CELSR1: variants seen among roughly 807,000 people sequenced by gnomAD.
The protein encoded by CELSR1 is adhesion G protein-coupled receptor C1.
CELSR1 carries 110 observed loss-of-function variants against 249.1 expected under a neutral mutation model. That is an observed-to-expected ratio of 0.44 (90% confidence interval 0.38 to 0.52). CELSR1 has a LOEUF of 0.52. Ranked by LOEUF, CELSR1 falls within the 20% of genes least tolerant of loss-of-function variation. CELSR1 has a pLI of 0.00. For missense variants in CELSR1, 4,109 were observed against 4,296.4 expected (o/e 0.96, Z 1.22); for synonymous variants, 2,113 against 1,900.0 (o/e 1.11, Z -2.92).
rs116447447 is a variant in CELSR1 at position 46,454,935 on chromosome 22, C to A, written c.4183+8772G>T. Among the ~76,000 whole-genome samples the A allele has an allele frequency of 3.2e-3, 488 of 152,330 alleles. 4 individuals are homozygous for A. Among genetic ancestry groups the A allele is most frequent in the African/African-American group, 0.011 (458 of 41,584 alleles). ...AAGTGACCTTGTTTGGAAATAGGGT[C>A]TTTGTAGAGGTAATCGACTTAGGAT... On this transcript the variant is annotated intron_variant, in intron 2 of 34. Transcript: ENST00000674500. This position sits in a 1 kb window ranked among gnomAD's most constrained non-coding sequence, Gnocchi z 5.1.
chr22:46,527,408 G>A lies in CELSR1; in HGVS notation c.3544+6219C>T, dbSNP rs149265534. On this transcript the variant is annotated intron_variant, in intron 1 of 34. Transcript: ENST00000674500. This position sits in a 1 kb window ranked among gnomAD's most constrained non-coding sequence, Gnocchi z 5.5. ...AACCCTCCACAGTCAGCCCTCTCTC[G>A]ACCCGGGGGATCCATCTGACTCCCG... is the stretch of plus-strand genomic sequence containing the variant. 2.3e-3 allele frequency among the ~76,000 whole-genome samples: 348 copies of A among 152,140 alleles called. 2 individuals are homozygous for A. The highest frequency in any genetic ancestry group is 7.9e-3 in the African/African-American group (327 of 41,498).
chr22:46,421,526 T>C (rs11703127), intron 5 of CELSR1, among the ~76,000 whole-genome samples: 40,798 of 151,846 alleles, frequency 0.27, 6,743 homozygotes, highest in African/African-American at 0.47. Flanking sequence ...TGACCAGGCC[T>C]GTGTTTGGGA....
At chr22:46,495,230 T>C (rs1602210537) in intron 1 of CELSR1, among the ~76,000 whole-genome samples, 3 of 152,346 alleles carry the variant, frequency 2.0e-5, no homozygotes, top group Middle Eastern at 3.4e-3. Flanking sequence ...GGCTGTGGTA[T>C]AACCAACTGC....
intron 25 of CELSR1, among the ~76,000 whole-genome samples, chr22:46,370,397 GCA>G (rs2078839127): frequency 6.6e-6 from 1 of 151,722 alleles, no homozygotes; most frequent in South Asian, 2.1e-4. Flanking sequence ...CACCACAGAG[GCA>G]CACACCATAC....
At chr22:46,389,960 GAAACAAA>G (rs2079071503) in intron 17 of CELSR1, among the ~76,000 whole-genome samples, 1 of 151,898 alleles carries the variant, frequency 6.6e-6, no homozygotes, top group Middle Eastern at 3.2e-3. Context: ...TCCAAAAAAA[GAAACAAA>G]AAACAAAAAG....
At position 46,428,289 on chromosome 22, in the gene CELSR1, C is replaced by A. The variant is rs1334726419; in HGVS notation, c.4611+5104G>T. The stretch of plus-strand genomic sequence containing the variant: ...GGCAGAGTCCCAAGGACTCCAGCAG[C>A]CAGCTCAGGCATGGGGCTTCATTGC... On this transcript the variant is annotated intron_variant, in intron 5 of 34. Coordinates refer to ENST00000674500, the MANE Select transcript of CELSR1 (RefSeq NM_001378328.1). The surrounding 1 kb of genome is among the most constrained non-coding windows in gnomAD (Gnocchi z 5.7). Among the ~76,000 whole-genome samples the A allele has an allele frequency of 6.6e-6, 1 of 152,238 alleles. No homozygotes were observed. Among genetic ancestry groups the A allele is most frequent in the African/African-American group, 2.4e-5 (1 of 41,460 alleles).
rs997470846 is a variant in CELSR1, at chr22:46,396,938, G to T, written c.5702-192C>A. Among the ~76,000 whole-genome samples the T allele has an allele frequency of 6.6e-6, 1 of 152,138 alleles. No homozygotes were observed. Among genetic ancestry groups the T allele is most frequent in the Non-Finnish European group, 1.5e-5 (1 of 68,034 alleles). ...TTAGACTTAGTGATGCAGAGAGGAAGGCCTTCCCGGGCTGCCCCAAGGAGG... is the reference window on the plus strand; with the variant it reads ...TTAGACTTAGTGATGCAGAGAGGAATGCCTTCCCGGGCTGCCCCAAGGAGG... On this transcript the variant is annotated intron_variant, in intron 12 of 34. Transcript: ENST00000674500. This position sits in a 1 kb window ranked among gnomAD's most constrained non-coding sequence, Gnocchi z 6.4.
At chr22:46,509,119 G>T (rs572476402) in intron 1 of CELSR1, among the ~76,000 whole-genome samples, 133 of 152,296 alleles carry the variant, frequency 8.7e-4, no homozygotes, top group African/African-American at 3.0e-3. Context: ...CCCAGGGCCT[G>T]CACTGAGTGA....
At chr22:46,523,799 C>T (rs1466152227) in intron 1 of CELSR1, among the ~76,000 whole-genome samples, 1 of 152,100 alleles carries the variant, frequency 6.6e-6, no homozygotes, top group African/African-American at 2.4e-5. Context: ...TGCCTGCCTC[C>T]CTGCACCTGG....
rs902527322 is a variant in CELSR1 at position 46,374,288 on chromosome 22, A to G, written c.7585-1231T>C. ...GATGGCTGCTTCAAGTAATGCGAAA[A>G]GTAAACCCACGAAACCACCTTTTGA... On this transcript the variant is annotated intron_variant, in intron 24 of 34. Coordinates refer to ENST00000674500, the MANE Select transcript of CELSR1 (RefSeq NM_001378328.1). The surrounding 1 kb of genome is among the most constrained non-coding windows in gnomAD (Gnocchi z 4.3). Among the ~76,000 whole-genome samples the G allele has an allele frequency of 3.3e-5, 5 of 152,234 alleles. No homozygotes were observed. The highest frequency in any genetic ancestry group is 7.2e-5 in the African/African-American group (3 of 41,454).
Position 46,445,259 on chromosome 22 carries a change from C to T in CELSR1, c.4184-5848G>A, listed in dbSNP as rs992627241. On this transcript the variant is annotated intron_variant, in intron 2 of 34. Coordinates refer to ENST00000674500, the MANE Select transcript of CELSR1 (RefSeq NM_001378328.1). The surrounding 1 kb of genome is among the most constrained non-coding windows in gnomAD (Gnocchi z 4.4). ...CTGTCATCCCAGCACTTTGGGAGGC[C>T]GAGGCAGGTGGATCACCTGAGGTCA... Among the ~76,000 whole-genome samples, 7 of 151,708 alleles carry T rather than the reference C, an allele frequency of 4.6e-5. No homozygotes were observed. Among genetic ancestry groups the T allele is most frequent in the Admixed American group, 1.3e-4 (2 of 15,226 alleles).
At chr22:46,416,936 C>T (rs185467573) in intron 5 of CELSR1, among the ~76,000 whole-genome samples, 6 of 80,140 alleles carry the variant, frequency 7.5e-5, no homozygotes, top group South Asian at 4.6e-4. Flanking sequence ...GGTGGGGGTA[C>T]GGTTTCAATG....
chr22:46,369,363 G>C, intron 26 of CELSR1, 105 bp from the exon 27 acceptor site: 1 of 990,100 alleles, frequency 1.0e-6, no homozygotes, highest in African/African-American at 1.6e-5. Flanking sequence ...GGGTGGCTGG[G>C]TGAGGAGGAC....
At chr22:46,405,483 T>G (rs1304063468) in intron 9 of CELSR1, among the ~76,000 whole-genome samples, 1 of 149,376 alleles carries the variant, frequency 6.7e-6, no homozygotes, top group Middle Eastern at 3.5e-3. Context: ...AAAAAAAAAT[T>G]CCTTTGCCAT....
In CELSR1 at chr22:46,381,045, G is replaced by T; in HGVS notation, c.7089-90C>A. On this transcript the variant is annotated intron_variant, in intron 21 of 34. Transcript: ENST00000674500. The surrounding 1 kb of genome is among the most constrained non-coding windows in gnomAD (Gnocchi z 6.0). ...CACAAATGCCCTGAGGACACGCCAT[G>T]ATGTGTTTCTAGGGGAGACAGAATC... 2 of 1,355,092 alleles carry T rather than the reference G, an allele frequency of 1.5e-6. No individual in the cohort carries two copies. The highest frequency in any genetic ancestry group is 2.0e-6 in the Non-Finnish European group (2 of 979,926). 83.9% of individuals were successfully genotyped at this position (1,355,092 alleles called of 1,614,324 possible).
chr22:46,397,372 C>T (rs577438111), intron 12 of CELSR1, among the ~76,000 whole-genome samples: 68 of 150,616 alleles, frequency 4.5e-4, no homozygotes, highest in Non-Finnish European at 8.3e-4. Context: ...CCACCCACCT[C>T]GGCCTCCCAA....
rs2079502236 is a variant in CELSR1, at chr22:46,423,521, C to A, written c.4611+9872G>T. Reference sequence around the variant, plus strand: ...TCGGGAGGCTGAGGCAGGAGAATTGCTTGAACCTGGGAGGCAGAGGTTGCG... The same window carrying A: ...TCGGGAGGCTGAGGCAGGAGAATTGATTGAACCTGGGAGGCAGAGGTTGCG... On this transcript the variant is annotated intron_variant, in intron 5 of 34. Coordinates refer to ENST00000674500, the MANE Select transcript of CELSR1 (RefSeq NM_001378328.1). The surrounding 1 kb of genome is among the most constrained non-coding windows in gnomAD (Gnocchi z 5.6). Among the ~76,000 whole-genome samples the A allele has an allele frequency of 6.7e-6, 1 of 148,406 alleles. No homozygotes were observed. The highest frequency in any genetic ancestry group is 1.5e-5 in the Non-Finnish European group (1 of 67,550).
intron 1 of CELSR1, among the ~76,000 whole-genome samples, chr22:46,492,148 C>T: frequency 6.6e-6 from 1 of 152,224 alleles, no homozygotes; most frequent in South Asian, 2.1e-4. Flanking sequence ...GCTTCCCAGG[C>T]TCCAGCAGGT....
At position 46,526,280 on chromosome 22, in the gene CELSR1, A is replaced by AG. The variant is rs1201548858; in HGVS notation, c.3544+7346dup. Among the ~76,000 whole-genome samples the AG allele has an allele frequency of 6.6e-6, 1 of 152,168 alleles. No individual in the cohort carries two copies. Among genetic ancestry groups the AG allele is most frequent in the Non-Finnish European group, 1.5e-5 (1 of 68,026 alleles). ...CACAGTAGCCCTTTGGGAGACAATGAGGAAGACCTGACACTGCCCACTCCC... is the reference window on the plus strand; with the variant it reads ...CACAGTAGCCCTTTGGGAGACAATGAGGGAAGACCTGACACTGCCCACTCCC... On this transcript the variant is annotated intron_variant, in intron 1 of 34. Transcript: ENST00000674500. The surrounding 1 kb of genome is among the most constrained non-coding windows in gnomAD (Gnocchi z 4.7).
Sources: allele counts gnomAD v4.1 joint callset (sites outside exome capture counted in the v4.1 genomes callset), GRCh38; gene constraint gnomAD v4.1.1; non-coding constraint Gnocchi (gnomAD v3.1); transcripts MANE v1.5; gene names NCBI Gene and HGNC (gene_info 2026-07-23, HGNC 2026-07-21).